ODF4: variants seen among roughly 807,000 people sequenced by gnomAD.
ODF4 encodes outer dense fiber protein 4.
In ODF4, 11 loss-of-function variants were observed where a neutral mutation model predicts 17.0. That is an observed-to-expected ratio of 0.65 (90% CI 0.41 to 1.07). The LOEUF (loss-of-function observed/expected upper bound fraction) is 1.07, where lower values mean the gene tolerates loss of function less well. Among genes scored for constraint, ODF4 ranks in the 50% least tolerant of loss-of-function variants. The pLI, the probability that ODF4 is intolerant of heterozygous loss-of-function variation, is 0.00. For synonymous variants in ODF4, 127 were observed against 121.8 expected, an observed-to-expected ratio of 1.04 and a Z score of -0.28; for missense variants, 281 against 310.2, an observed-to-expected ratio of 0.91 and a Z score of 0.71.
chr17:8,340,749 T>C lies in ODF4; in HGVS notation c.454+244T>C, dbSNP rs78971779. Among the ~76,000 whole-genome samples the C allele has an allele frequency of 3.3e-3, 498 of 152,220 alleles. 5 individuals carry two copies. Among genetic ancestry groups the C allele is most frequent in the African/African-American group, 0.012 (479 of 41,542 alleles). ...TAAAACCCAGAGCCAAATCTGTGCT[T>C]CTAAGAATGCTGTGAGAGAGTTGGG... On this transcript the variant is annotated intron_variant, in intron 1 of 2. Transcript: ENST00000328248.
chr17:8,344,655 A>G (rs1906158755), intron 1 of ODF4, among the ~76,000 whole-genome samples: 1 of 146,328 alleles, frequency 6.8e-6, no homozygotes, highest in Admixed American at 6.8e-5. Context: ...TGCCCAGCTA[A>G]TTTTTGTATT....
Position 8,340,096 on chromosome 17 carries a change from A to G in ODF4, c.45A>G (p.Gly15=), listed in dbSNP as rs1442359086. The part of the protein sequence containing the change: ...YSGNEFPRSE[G]ERDQHQRPGK... ...GGAATGAGTTCCCCAGGTCAGAAGGAGAAAGAGACCAACATCAGAGACCTG... is the reference window on the plus strand; with the variant it reads ...GGAATGAGTTCCCCAGGTCAGAAGGGGAAAGAGACCAACATCAGAGACCTG... The change falls in exon 1 of 3, where the codon GGA becomes GGG. Residue 15 remains glycine (G), a synonymous_variant. Transcript: ENST00000328248. 6.5e-7 allele frequency: 1 copy of G among 1,533,944 alleles called. No homozygotes were observed.
chr17:8,340,150 A>G lies in ODF4; in HGVS notation c.99A>G (p.Gly33=). The change falls in exon 1 of 3, where the codon GGA becomes GGG. Residue 33 remains glycine (G), a synonymous_variant. Coordinates refer to ENST00000328248, the MANE Select transcript of ODF4 (RefSeq NM_153007.5). ...PGKERKSGEA[G]WGTGELGQDG... Reference sequence around the variant, plus strand: ...AGGAAAGGAAGAGTGGGGAGGCAGGATGGGGCACAGGTGAGCTGGGACAAG... The same window carrying G: ...AGGAAAGGAAGAGTGGGGAGGCAGGGTGGGGCACAGGTGAGCTGGGACAAG... 6.3e-7 allele frequency: 1 copy of G among 1,578,068 alleles called. No individual in the cohort carries two copies. The highest frequency in any genetic ancestry group is 8.6e-7 in the Non-Finnish European group (1 of 1,162,660).
chr17:8,340,342 C>A lies in ODF4; in HGVS notation c.291C>A (p.Val97=). 6.2e-7 allele frequency: 1 copy of A among 1,612,980 alleles called. No homozygotes were observed. Among genetic ancestry groups the A allele is most frequent in the Non-Finnish European group, 8.5e-7 (1 of 1,179,492 alleles). The change falls in exon 1 of 3, where the codon GTC becomes GTA. Residue 97 remains valine, a synonymous_variant. Transcript: ENST00000328248. Reference sequence around the variant, plus strand: ...TGGTTGCCTTTATCCTACTATTGGTCGTGGCCTTCTCCAAGAAATGGCTGG... The same window carrying A: ...TGGTTGCCTTTATCCTACTATTGGTAGTGGCCTTCTCCAAGAAATGGCTGG... The part of the protein sequence containing the change: ...LSLVAFILLL[V]VAFSKKWLDL...
chr17:8,340,086 G>A lies in ODF4; in HGVS notation c.35G>A (p.Arg12Lys), dbSNP rs148281710. Reference sequence around the variant, plus strand: ...GAGTACTCTGGGAATGAGTTCCCCAGGTCAGAAGGAGAAAGAGACCAACAT... The same window carrying A: ...GAGTACTCTGGGAATGAGTTCCCCAAGTCAGAAGGAGAAAGAGACCAACAT... The part of the protein sequence containing the change: ...DAEYSGNEFP[R>K]SEGERDQHQR... Residue 12 changes from arginine to lysine, a missense_variant, in exon 1 of 3, where the codon AGG (arginine) becomes AAG (lysine). Coordinates refer to ENST00000328248, the MANE Select transcript of ODF4 (RefSeq NM_153007.5). 2.5e-4 allele frequency: 376 copies of A among 1,529,658 alleles called. No individual in the cohort carries two copies. The highest frequency in any genetic ancestry group is 3.2e-4 in the Non-Finnish European group (366 of 1,141,152). The allele number at this position is 1,529,658 out of a possible 1,614,324, so 94.8% of individuals were successfully genotyped here. A position where few individuals can be genotyped will look rare whatever the true frequency, so the allele number is the denominator to read the frequency against.
In ODF4 at chr17:8,345,378, A is replaced by G; in HGVS notation, c.490A>G (p.Ile164Val). 6 of 1,613,768 alleles carry G rather than the reference A, an allele frequency of 3.7e-6. No homozygotes were observed. Among genetic ancestry groups the G allele is most frequent in the Non-Finnish European group, 2.5e-6 (3 of 1,179,708 alleles). The change falls in exon 2 of 3, where the codon ATT becomes GTT. Residue 164 changes from isoleucine to valine, a missense_variant. Transcript: ENST00000328248. The surrounding 1 kb of genome is among the most constrained non-coding windows in gnomAD (Gnocchi z 4.1). ...CTTCTCCACCCTCATGCTATTCCCC[A>G]TTAACATCTGGATCTTCGAGTTGGA... The part of the protein sequence containing the change: ...FIFSTLMLFP[I>V]NIWIFELERN...
Position 8,345,336 on chromosome 17 carries a change from C to A in ODF4, c.455-7C>A, listed in dbSNP as rs775870494. On this transcript the variant is annotated splice_region_variant and splice_polypyrimidine_tract_variant and intron_variant, in intron 1 of 2. Transcript: ENST00000328248. The surrounding 1 kb of genome is among the most constrained non-coding windows in gnomAD (Gnocchi z 4.1). The stretch of plus-strand genomic sequence containing the variant: ...GACAATGAGACCCTCTGCCTCCTGT[C>A]TCCTAGTCACCTTCATCTTCTCCAC... 3.7e-6 allele frequency: 6 copies of A among 1,612,600 alleles called. No individual in the cohort carries two copies. The highest frequency in any genetic ancestry group is 5.1e-6 in the Non-Finnish European group (6 of 1,179,004).
Position 8,345,820 on chromosome 17 carries a change from C to T in ODF4, c.742C>T (p.Leu248=). Reference sequence around the variant, plus strand: ...CACCCCCATCACCCAGGAGGGAGTCCTGGATCCTGAGCAGAAGGATACACA... The same window carrying T: ...CACCCCCATCACCCAGGAGGGAGTCTTGGATCCTGAGCAGAAGGATACACA... ...TDTPITQEGV[L]DPEQKDTHV The change falls in exon 3 of 3, where the codon CTG becomes TTG. Residue 248 remains leucine, a synonymous_variant. Coordinates refer to ENST00000328248, the MANE Select transcript of ODF4 (RefSeq NM_153007.5). The surrounding 1 kb of genome is among the most constrained non-coding windows in gnomAD (Gnocchi z 4.1). The T allele has an allele frequency of 1.2e-6, 2 of 1,614,072 alleles. No homozygotes were observed. The highest frequency in any genetic ancestry group is 2.2e-5 in the East Asian group (1 of 44,882).
chr17:8,341,176 G>A (rs1245472743), intron 1 of ODF4, among the ~76,000 whole-genome samples: 3 of 151,198 alleles, frequency 2.0e-5, no homozygotes, highest in Non-Finnish European at 2.9e-5. Flanking sequence ...GGCAACAAGA[G>A]TAAAACTCTG....
chr17:8,345,454 T>G lies in ODF4; in HGVS notation c.566T>G (p.Val189Gly), dbSNP rs201355864. 1 of 1,614,132 alleles carries G rather than the reference T, an allele frequency of 6.2e-7. No individual in the cohort carries two copies. Among genetic ancestry groups the G allele is most frequent in the South Asian group, 1.1e-5 (1 of 91,082 alleles). ...TGGAGCTATTTCATTGGTTGGCTGG[T>G]GCTTATCCTATACTTCACCTGCGGT... ...IGWSYFIGWL[V>G]LILYFTCAIL... is the part of the protein sequence containing the mutation. The change falls in exon 2 of 3, where the codon GTG becomes GGG. Residue 189 changes from valine to glycine, a missense_variant. Transcript: ENST00000328248. The surrounding 1 kb of genome is among the most constrained non-coding windows in gnomAD (Gnocchi z 4.1).
rs1241179722 is a variant in ODF4, at chr17:8,343,408, T to C, written c.455-1935T>C. On this transcript the variant is annotated intron_variant, in intron 1 of 2. Transcript: ENST00000328248. The stretch of plus-strand genomic sequence containing the variant: ...TCAGCCTCTCAAAGTACTGGGATTA[T>C]AGGCGTGAGCCAGCACACCCAGCCG... 3.3e-5 allele frequency among the ~76,000 whole-genome samples: 4 copies of C among 121,930 alleles called. 1 individual carries two copies. The highest frequency in any genetic ancestry group is 5.3e-5 in the Non-Finnish European group (3 of 57,044). The allele number at this position is 121,930 out of a possible 152,430, so 80.0% of individuals were successfully genotyped here. A position where few individuals can be genotyped will look rare whatever the true frequency, so the allele number is the denominator to read the frequency against.
intron 1 of ODF4, 124 bp downstream of exon 1, chr17:8,340,629 T>C (rs560219113): frequency 4.8e-6 from 3 of 624,580 alleles, no homozygotes; most frequent in African/African-American, 3.7e-5. Flanking sequence ...TGCAAGATGG[T>C]TCCACTGGCA....
rs1236132536 is a variant in ODF4 at position 8,343,859 on chromosome 17, T to C, written c.455-1484T>C. Reference sequence around the variant, plus strand: ...GTGTGTGTGTGTGTGTCTATATATATATAGACTGCAACCTCAGCTTCCTGG... The same window carrying C: ...GTGTGTGTGTGTGTGTCTATATATACATAGACTGCAACCTCAGCTTCCTGG... On this transcript the variant is annotated intron_variant, in intron 1 of 2. Coordinates refer to ENST00000328248, the MANE Select transcript of ODF4 (RefSeq NM_153007.5). Among the ~76,000 whole-genome samples the C allele has an allele frequency of 6.0e-5, 7 of 116,368 alleles. 2 individuals are homozygous for C. The highest frequency in any genetic ancestry group is 1.5e-4 in the African/African-American group (4 of 26,590). 76.3% of individuals were successfully genotyped at this position (116,368 alleles called of 152,430 possible). A position where few individuals can be genotyped will look rare whatever the true frequency, so the allele number is the denominator to read the frequency against.
chr17:8,342,994 A>C (rs1162049676), intron 1 of ODF4, among the ~76,000 whole-genome samples: 1 of 151,762 alleles, frequency 6.6e-6, no homozygotes, highest in Non-Finnish European at 1.5e-5. Flanking sequence ...CCACCTCCCA[A>C]AGTGTTGGGA....
At chr17:8,340,531 G>A in intron 1 of ODF4, 26 bp downstream of exon 1, 2 of 1,431,642 alleles carry the variant, frequency 1.4e-6, no homozygotes, top group Non-Finnish European at 2.0e-6. Context: ...CCCCATCCCA[G>A]CCCAGGCCGC....
Position 8,345,057 on chromosome 17 carries a change from T to C in ODF4, c.455-286T>C. ...CTTCTGTGAAGGTGCCTCCTAGCTC[T>C]GGAAAGGTCCTTTGTTTTCCTAACC... On this transcript the variant is annotated intron_variant, in intron 1 of 2. Transcript: ENST00000328248. The surrounding 1 kb of genome is among the most constrained non-coding windows in gnomAD (Gnocchi z 4.1). The C allele has an allele frequency of 9.2e-7, 1 of 1,088,374 alleles. No homozygotes were observed. The highest frequency in any genetic ancestry group is 1.1e-6 in the Non-Finnish European group (1 of 869,974). The allele number at this position is 1,088,374 out of a possible 1,614,324, so 67.4% of individuals were successfully genotyped here.
rs1906187052 is a variant in ODF4 at position 8,345,256 on chromosome 17, G to C, written c.455-87G>C. 2 of 1,249,252 alleles carry C rather than the reference G, an allele frequency of 1.6e-6. No individual in the cohort carries two copies. Among genetic ancestry groups the C allele is most frequent in the Admixed American group, 3.7e-5 (2 of 53,784 alleles). The allele number at this position is 1,249,252 out of a possible 1,614,324, so 77.4% of individuals were successfully genotyped here. A position where few individuals can be genotyped will look rare whatever the true frequency, so the allele number is the denominator to read the frequency against. ...CCAGTCACTCTGTGTGTGGTGATGT[G>C]GTTTGTGGCTGTAGCCTAGCAGATG... On this transcript the variant is annotated intron_variant, in intron 1 of 2. Coordinates refer to ENST00000328248, the MANE Select transcript of ODF4 (RefSeq NM_153007.5). This position sits in a 1 kb window ranked among gnomAD's most constrained non-coding sequence, Gnocchi z 4.1.
chr17:8,341,002 A>G (rs981073970), intron 1 of ODF4, among the ~76,000 whole-genome samples: 10 of 152,152 alleles, frequency 6.6e-5, no homozygotes, highest in South Asian at 4.1e-4. Context: ...CATCCTGGCT[A>G]ACATAGTGAA....
intron 1 of ODF4, among the ~76,000 whole-genome samples, chr17:8,342,710 A>T (rs1906073779): frequency 6.6e-6 from 1 of 152,124 alleles, no homozygotes; most frequent in East Asian, 1.9e-4. Flanking sequence ...GAGACACTCT[A>T]TTCAGAGACA....
Sources: allele counts gnomAD v4.1 joint callset (sites outside exome capture counted in the v4.1 genomes callset), GRCh38; gene constraint gnomAD v4.1.1; non-coding constraint Gnocchi (gnomAD v3.1); transcripts MANE v1.5; gene names NCBI Gene and HGNC (gene_info 2026-07-23, HGNC 2026-07-21).